Variants in CTNNA3 observed in about 807,000 individuals in gnomAD.
CTNNA3 encodes the protein catenin alpha 3.
Under a neutral mutation model 95.7 loss-of-function variants are expected in CTNNA3, and 76 were observed. That is an observed-to-expected ratio of 0.79 (90% confidence interval 0.66 to 0.96). CTNNA3 has a LOEUF of 0.96. Ranked by LOEUF, CTNNA3 falls within the 40% of genes least tolerant of loss-of-function variation. The pLI is 0.00. For missense variants in CTNNA3, 1,191 were observed against 1,089.8 expected, an observed-to-expected ratio of 1.09 and a Z score of -1.31; for synonymous variants, 431 against 374.4, an observed-to-expected ratio of 1.15 and a Z score of -1.74.
chr10:66,416,955 C>T lies in CTNNA3; in HGVS notation c.1532-37603G>A, dbSNP rs576908793. On this transcript the variant is annotated intron_variant, in intron 11 of 17. Transcript: ENST00000433211. ...GATAACTACCAACTGCAATGACAGA[C>T]ATTAAGAGGAAAATCAAGAACAAAG... Among the ~76,000 whole-genome samples, 29 of 152,070 alleles carry T rather than the reference C, an allele frequency of 1.9e-4. No homozygotes were observed. In the South Asian group the frequency reaches 6.0e-3, roughly 31 times the overall value.
At chr10:66,294,537 A>G (rs1161426312) in intron 12 of CTNNA3, among the ~76,000 whole-genome samples, 1 of 152,216 alleles carries the variant, frequency 6.6e-6, no homozygotes, top group Non-Finnish European at 1.5e-5. Context: ...TAAAATAGAA[A>G]AGCTGAAACA....
At chr10:67,078,758 T>C (rs1174849626) in intron 7 of CTNNA3, among the ~76,000 whole-genome samples, 3 of 152,096 alleles carry the variant, frequency 2.0e-5, no homozygotes, top group Admixed American at 1.3e-4. Flanking sequence ...CCTTGTGATC[T>C]GCCCACCTCG....
intron 3 of CTNNA3, among the ~76,000 whole-genome samples, chr10:67,550,676 GTAGAATAAAGAAATTTCTTTATTCA>G (rs1339192377): frequency 0.019 from 2,595 of 136,722 alleles, 77 homozygotes; most frequent in African/African-American, 0.07. Context: ...TTTCTTTACC[GTAGAATAAAGAAATTTCTTTATTCA>G]TAGAATAAAG....
intron 9 of CTNNA3, among the ~76,000 whole-genome samples, chr10:66,731,768 A>C (rs755602617): frequency 1.7e-4 from 26 of 152,290 alleles, no homozygotes; most frequent in Non-Finnish European, 3.4e-4. Flanking sequence ...GAACATATTT[A>C]ACACTTTGCT....
intron 3 of CTNNA3, 24 bp from the exon 4 acceptor site, chr10:67,539,693 G>T (rs1430374775): frequency 6.2e-7 from 1 of 1,602,570 alleles, no homozygotes; most frequent in Admixed American, 1.7e-5. Context: ...CCCCATATAA[G>T]TTATACTTTA....
At chr10:67,130,496 A>G (rs986628507) in intron 7 of CTNNA3, among the ~76,000 whole-genome samples, 5 of 152,148 alleles carry the variant, frequency 3.3e-5, no homozygotes, top group African/African-American at 1.2e-4. Context: ...AGAAATTACT[A>G]AGACTCCAGA....
chr10:67,562,063 A>G (rs1054226729), intron 3 of CTNNA3, among the ~76,000 whole-genome samples: 2 of 152,200 alleles, frequency 1.3e-5, no homozygotes, highest in African/African-American at 4.8e-5. Flanking sequence ...CAGAGGTACA[A>G]GGAGGAATTG....
chr10:66,332,345 C>G (rs940398284), intron 12 of CTNNA3, among the ~76,000 whole-genome samples: 27 of 150,850 alleles, frequency 1.8e-4, no homozygotes, highest in Non-Finnish European at 5.9e-5. Flanking sequence ...GGAATGCTTC[C>G]AGTTTTTGCC....
intron 15 of CTNNA3, among the ~76,000 whole-genome samples, chr10:66,067,303 G>T (rs2080333456): frequency 6.6e-6 from 1 of 152,146 alleles, no homozygotes; most frequent in African/African-American, 2.4e-5. Context: ...TCCAGCGAGG[G>T]TCTTGCCCCA....
intron 11 of CTNNA3, among the ~76,000 whole-genome samples, chr10:66,478,980 C>G (rs1391875488): frequency 6.6e-6 from 1 of 151,670 alleles, no homozygotes; most frequent in South Asian, 2.1e-4. Flanking sequence ...AATTTTTTTC[C>G]TAACCCAAGG....
chr10:66,688,645 A>C (rs6480203), intron 9 of CTNNA3, among the ~76,000 whole-genome samples: 27,069 of 151,946 alleles, frequency 0.18, 3,060 homozygotes, highest in East Asian at 0.34. Context: ...GTTTGACTTT[A>C]CTAACTTTAT....
At chr10:66,688,960 T>C (rs1356365596) in intron 9 of CTNNA3, among the ~76,000 whole-genome samples, 1 of 130,102 alleles carries the variant, frequency 7.7e-6, no homozygotes, top group African/African-American at 3.1e-5. Flanking sequence ...CAAGACTCCA[T>C]CTCAAAAAAA....
chr10:66,865,199 GGTGT>G (rs566237511), intron 7 of CTNNA3, among the ~76,000 whole-genome samples: 14 of 138,230 alleles, frequency 1.0e-4, no homozygotes, highest in African/African-American at 2.4e-4. Context: ...ACAGGCATGG[GGTGT>G]GTGTGTGTGC....
intron 10 of CTNNA3, among the ~76,000 whole-genome samples, chr10:66,582,253 T>G (rs2132201052): frequency 6.6e-6 from 1 of 152,052 alleles, no homozygotes; most frequent in South Asian, 2.1e-4. Context: ...ATTTTCATGA[T>G]ATTGATTGTT....
intron 9 of CTNNA3, among the ~76,000 whole-genome samples, chr10:66,756,475 A>G (rs932582177): frequency 4.6e-5 from 7 of 152,136 alleles, no homozygotes; most frequent in African/African-American, 1.7e-4. Flanking sequence ...TAACATTTCT[A>G]TCTTGCAGAA....
intron 13 of CTNNA3, among the ~76,000 whole-genome samples, chr10:66,149,082 T>C (rs1054308946): frequency 1.3e-5 from 2 of 150,482 alleles, no homozygotes; most frequent in African/African-American, 4.9e-5. Flanking sequence ...TCAATTATAG[T>C]TAACTATATA....
intron 7 of CTNNA3, among the ~76,000 whole-genome samples, chr10:66,849,884 T>C (rs1008736241): frequency 7.0e-6 from 1 of 143,178 alleles, no homozygotes; most frequent in Admixed American, 6.9e-5. Flanking sequence ...TGAATGTAGA[T>C]TTTGAAATCT....
At chr10:66,651,749 C>A (rs545036842) in intron 9 of CTNNA3, among the ~76,000 whole-genome samples, 1 of 151,044 alleles carries the variant, frequency 6.6e-6, no homozygotes, top group Non-Finnish European at 1.5e-5. Context: ...TGCTGGCCTG[C>A]GGCTCCGAGT....
intron 5 of CTNNA3, among the ~76,000 whole-genome samples, chr10:67,356,546 C>T (rs1842815467): frequency 6.6e-6 from 1 of 152,040 alleles, no homozygotes; most frequent in Non-Finnish European, 1.5e-5. Flanking sequence ...TGAGCTTGTC[C>T]TCAGCCATTT....
Sources: gnomAD v4.1 joint callset for allele counts (sites outside exome capture counted in the v4.1 genomes callset) on GRCh38, gnomAD v4.1.1 for gene constraint, MANE v1.5 for transcripts, NCBI Gene and HGNC (gene_info 2026-07-23, HGNC 2026-07-21) for gene names.